TIAM1: variants seen among roughly 807,000 people sequenced by gnomAD.
TIAM1 encodes TIAM Rac1 associated GEF 1, also known as rho guanine nucleotide exchange factor TIAM1.
TIAM1 carries 65 observed loss-of-function variants against 163.5 expected under a neutral mutation model. The ratio of observed to expected loss-of-function variants is 0.40; its 90% CI spans 0.33 to 0.49. TIAM1 has a LOEUF of 0.49. Among genes scored for constraint, TIAM1 ranks in the 20% least tolerant of loss-of-function variants. TIAM1 has a pLI of 0.77. For missense variants in TIAM1, 1,789 were observed against 2,044.7 expected (o/e 0.87, Z 2.41); for synonymous variants, 833 against 810.1 (o/e 1.03, Z -0.48).
intron 6 of TIAM1, among the ~76,000 whole-genome samples, chr21:31,238,484 A>G (rs1190043439): frequency 6.6e-6 from 1 of 152,214 alleles, no homozygotes. Flanking sequence ...GGGTATTTAC[A>G]TTCTACTAGC....
At position 31,424,989 on chromosome 21, in the gene TIAM1, G is replaced by A. The variant is rs1163468887; in HGVS notation, c.-369+38994C>T. ...AATCGCTTGAACTGGGGAGGCAGAG[G>A]TTGCAGTGAGCCAAGATCATACCAC... is the stretch of plus-strand genomic sequence containing the variant. On this transcript the variant is annotated intron_variant, in intron 2 of 28. Coordinates refer to the TIAM1 transcript ENST00000286827. Among the ~76,000 whole-genome samples the A allele has an allele frequency of 2.0e-5, 3 of 151,402 alleles. No individual in the cohort carries two copies. The East Asian group carries it at 5.8e-4, about 29-fold the overall frequency.
chr21:31,517,434 A>G (rs770929167), intron 1 of TIAM1, among the ~76,000 whole-genome samples: 28 of 152,276 alleles, frequency 1.8e-4, no homozygotes, highest in Non-Finnish European at 3.2e-4. Context: ...GGATGATACT[A>G]TTACTATGAT....
chr21:31,238,363 T>C (rs542548641), intron 6 of TIAM1, among the ~76,000 whole-genome samples: 29 of 152,324 alleles, frequency 1.9e-4, no homozygotes, highest in Non-Finnish European at 2.2e-4. Flanking sequence ...TTTTGTGCTC[T>C]ATCCCTCATA....
At chr21:31,409,272 G>A (rs1035823250) in intron 2 of TIAM1, among the ~76,000 whole-genome samples, 1 of 152,116 alleles carries the variant, frequency 6.6e-6, no homozygotes, top group South Asian at 2.1e-4. Flanking sequence ...ACCACACCCA[G>A]CTAATTTTTG....
At chr21:31,316,916 C>T (rs765343560) in intron 2 of TIAM1, among the ~76,000 whole-genome samples, 18 of 152,180 alleles carry the variant, frequency 1.2e-4, no homozygotes, top group Non-Finnish European at 2.2e-4. Flanking sequence ...CCAGGTCTGC[C>T]TAGGTGGGTA....
intron 4 of TIAM1, among the ~76,000 whole-genome samples, chr21:31,263,404 C>G (rs1354801184): frequency 6.6e-6 from 1 of 152,204 alleles, no homozygotes; most frequent in Non-Finnish European, 1.5e-5. Context: ...TTACATTAAG[C>G]TGCCTAAGCA....
At chr21:31,415,522 T>A (rs1456584956) in intron 2 of TIAM1, among the ~76,000 whole-genome samples, 1 of 152,204 alleles carries the variant, frequency 6.6e-6, no homozygotes, top group African/African-American at 2.4e-5. Flanking sequence ...GATCAGTTAC[T>A]GATGCTAGGA....
intron 2 of TIAM1, among the ~76,000 whole-genome samples, chr21:31,378,898 ATC>A (rs1158970926): frequency 6.6e-6 from 1 of 152,206 alleles, no homozygotes; most frequent in African/African-American, 2.4e-5. Context: ...ATTATAAGTA[ATC>A]TAGAGATTGC....
chr21:31,553,774 C>T (rs1175069844), intron 1 of TIAM1, among the ~76,000 whole-genome samples: 1 of 152,092 alleles, frequency 6.6e-6, no homozygotes, highest in Non-Finnish European at 1.5e-5. Flanking sequence ...GGCCCCTCAA[C>T]AAGCAGACGT....
At chr21:31,331,420 A>C (rs77595296) in intron 2 of TIAM1, among the ~76,000 whole-genome samples, 1,867 of 152,342 alleles carry the variant, frequency 0.012, 37 homozygotes, top group African/African-American at 0.043. Flanking sequence ...TCCCAGGGGA[A>C]AAATGAGGAA....
chr21:31,125,330 CG>C (rs779317340), intron 26 of TIAM1, among the ~76,000 whole-genome samples: 5 of 151,854 alleles, frequency 3.3e-5, no homozygotes, highest in Non-Finnish European at 7.4e-5. Context: ...ACAATAAATA[CG>C]GCATCCGTGT....
At chr21:31,185,266 G>A (rs1397698896) in intron 14 of TIAM1, among the ~76,000 whole-genome samples, 1 of 151,600 alleles carries the variant, frequency 6.6e-6, no homozygotes, top group Non-Finnish European at 1.5e-5. Flanking sequence ...GTCGAATAGA[G>A]TCCCTGTCCA....
At chr21:31,497,283 T>C (rs2046696194) in intron 1 of TIAM1, among the ~76,000 whole-genome samples, 1 of 152,258 alleles carries the variant, frequency 6.6e-6, no homozygotes, top group Non-Finnish European at 1.5e-5. Flanking sequence ...TAACTGTGTA[T>C]GAAAGTTTTT....
chr21:31,195,945 G>A (rs2085829137), intron 12 of TIAM1, among the ~76,000 whole-genome samples: 1 of 152,110 alleles, frequency 6.6e-6, no homozygotes, highest in African/African-American at 2.4e-5. Context: ...TTAAACTAAA[G>A]AGCTTCTGCA....
chr21:31,140,809 T>C (rs2006719), intron 22 of TIAM1, among the ~76,000 whole-genome samples: 95,461 of 152,024 alleles, frequency 0.63, 30,666 homozygotes, highest in African/African-American at 0.76. Flanking sequence ...TTTCATGACA[T>C]TTCTAGAAAC....
At chr21:31,162,134 A>G (rs1439300184) in intron 16 of TIAM1, among the ~76,000 whole-genome samples, 1 of 152,160 alleles carries the variant, frequency 6.6e-6, no homozygotes, top group Non-Finnish European at 1.5e-5. Flanking sequence ...GAGCCAAACC[A>G]GGTTTGCATC....
chr21:31,555,742 A>G (rs967328444), intron 1 of TIAM1, among the ~76,000 whole-genome samples: 18 of 152,202 alleles, frequency 1.2e-4, no homozygotes, highest in African/African-American at 3.9e-4. Context: ...ACATCTATGA[A>G]AGTGTTGTCT....
chr21:31,146,403 CAAAAAAAAAA>C (rs10542614), intron 20 of TIAM1, among the ~76,000 whole-genome samples: 2 of 89,918 alleles, frequency 2.2e-5, no homozygotes, highest in Non-Finnish European at 4.4e-5. Context: ...GGCTCTGTGT[CAAAAAAAAAA>C]AAAAAAAAAA....
chr21:31,548,944 T>G (rs2048591378), intron 1 of TIAM1, among the ~76,000 whole-genome samples: 1 of 152,070 alleles, frequency 6.6e-6, no homozygotes, highest in Non-Finnish European at 1.5e-5. Flanking sequence ...CATTGCCAAA[T>G]GTTTGGAGGC....
Sources: gnomAD v4.1 joint callset for allele counts (sites outside exome capture counted in the v4.1 genomes callset) on GRCh38, gnomAD v4.1.1 for gene constraint, MANE v1.5 for transcripts, NCBI Gene and HGNC (gene_info 2026-07-23, HGNC 2026-07-21) for gene names.